BCL11A: variants seen among roughly 807,000 people sequenced by gnomAD.
BCL11A encodes the protein BCL11 transcription factor A, also known as B cell CLL/lymphoma 11A.
A neutral mutation model predicts 55.9 loss-of-function variants in BCL11A; 2 were observed. The observed-to-expected ratio is 0.04, with a 90% CI of 0.01 to 0.11. The LOEUF is 0.11. BCL11A is among the 10% of genes least tolerant of loss of function. The probability of loss-of-function intolerance (pLI) is 1.00; values close to 1 mark genes in which losing one functional copy is unlikely to be tolerated. For synonymous variants in BCL11A, 465 were observed against 473.4 expected, an observed-to-expected ratio of 0.98 and a Z score of 0.23; for missense variants, 817 against 1,137.1, an observed-to-expected ratio of 0.72 and a Z score of 4.05.
intron 2 of BCL11A, among the ~76,000 whole-genome samples, chr2:60,500,700 A>T (rs539592130): frequency 1.5e-3 from 235 of 152,282 alleles, no homozygotes; most frequent in African/African-American, 5.3e-3. Context: ...GTAGGCATCA[A>T]ACCTGGAACT....
intron 2 of BCL11A, among the ~76,000 whole-genome samples, chr2:60,500,294 G>A (rs1017219816): frequency 6.6e-6 from 1 of 152,216 alleles, no homozygotes; most frequent in South Asian, 2.1e-4. Context: ...GAGGGGACAG[G>A]GGGCAGGTAG....
chr2:60,532,850 A>T (rs910427842), intron 2 of BCL11A: 4 of 152,246 alleles, frequency 2.6e-5, no homozygotes, highest in African/African-American at 9.6e-5. Context: ...CAAAAGACTT[A>T]TGCAAAGCCA....
chr2:60,505,411 G>C (rs747203623), intron 2 of BCL11A, among the ~76,000 whole-genome samples: 23 of 152,230 alleles, frequency 1.5e-4, no homozygotes, highest in Non-Finnish European at 2.9e-4. Flanking sequence ...GCAGCTGTCA[G>C]CTTGGGGAAA....
chr2:60,505,249 G>A (rs1055660196), intron 2 of BCL11A, among the ~76,000 whole-genome samples: 7 of 152,204 alleles, frequency 4.6e-5, no homozygotes, highest in East Asian at 1.9e-4. Context: ...CTAGAGGATC[G>A]GAGAGAAAAG....
chr2:60,546,339 C>G lies in BCL11A; in HGVS notation c.56-39G>C. The G allele has an allele frequency of 6.4e-7, 1 of 1,561,104 alleles. No individual in the cohort carries two copies. On this transcript the variant is annotated intron_variant, in intron 1 of 3. Coordinates refer to ENST00000642384, the MANE Select transcript of BCL11A (RefSeq NM_022893.4). This position sits in a 1 kb window ranked among gnomAD's most constrained non-coding sequence, Gnocchi z 4.1. ...AACAAAAGCACAATTATTAGAGTGCCAGAGAGGACAGAAAGGGGAGAAGCA... is the reference window on the plus strand; with the variant it reads ...AACAAAAGCACAATTATTAGAGTGCGAGAGAGGACAGAAAGGGGAGAAGCA...
At chr2:60,511,143 C>T (rs770703178) in intron 2 of BCL11A, among the ~76,000 whole-genome samples, 2 of 152,178 alleles carry the variant, frequency 1.3e-5, no homozygotes, top group Non-Finnish European at 2.9e-5. Flanking sequence ...CCAGCTGCCT[C>T]CACGGCATTA....
intron 2 of BCL11A, among the ~76,000 whole-genome samples, chr2:60,531,164 A>G (rs1022210262): frequency 6.6e-6 from 1 of 151,870 alleles, no homozygotes; most frequent in African/African-American, 2.4e-5. Context: ...AATTAGAGAA[A>G]AAAAAAAAAA....
chr2:60,456,298 T>C (rs1319548834), downstream of BCL11A, among the ~76,000 whole-genome samples: 1 of 152,192 alleles, frequency 6.6e-6, no homozygotes. Context: ...ATCACAGAGG[T>C]ATGTGTTTAG....
chr2:60,453,847 G>A (rs1337797171), downstream of BCL11A, among the ~76,000 whole-genome samples: 2 of 152,112 alleles, frequency 1.3e-5, no homozygotes, highest in Non-Finnish European at 2.9e-5. Context: ...TCTGATACAC[G>A]TGCTCCCTTG....
At position 60,462,380 on chromosome 2, in the gene BCL11A, G is replaced by A. The variant is rs1676368525; in HGVS notation, c.532C>T (p.Pro178Ser). 1.2e-6 allele frequency: 2 copies of A among 1,612,418 alleles called. No homozygotes were observed. Among genetic ancestry groups the A allele is most frequent in the African/African-American group, 1.3e-5 (1 of 74,864 alleles). ...AAGAGAAACCATGCACTGGTGAATG[G>A]CTGTTTGCAAGTTGTACATGTGTAG... ...SSYTCTTCKQPFTSAWFLLQH... is the reference protein window; with the variant it reads ...SSYTCTTCKQSFTSAWFLLQH... The change falls in exon 4 of 4, where the codon CCA (proline) becomes TCA (serine). Residue 178 changes from proline (P) to serine (S), a missense_variant. By Grantham distance (74) the Pro-to-Ser change is moderately conservative. Around this residue, in one of 4 missense-constraint regions of BCL11A, gnomAD observed 363 missense variants for 486.6 expected, o/e 0.75. Coordinates refer to ENST00000642384, the MANE Select transcript of BCL11A (RefSeq NM_022893.4).
Position 60,458,600 on chromosome 2 carries a change from A to G in BCL11A, c.*1804T>C. The G allele has an allele frequency of 4.8e-6, 5 of 1,033,324 alleles. No individual in the cohort carries two copies. The highest frequency in any genetic ancestry group is 4.7e-6 in the Non-Finnish European group (4 of 858,074). The allele number at this position is 1,033,324 out of a possible 1,614,324, so 64.0% of individuals were successfully genotyped here. ...CAATAGTCAAGTAAATGGCTGGCAA[A>G]GTTTTTTTTTTTTTAGTTTTTAAAA... On this transcript the variant is annotated 3_prime_UTR_variant, in exon 4 of 4. Coordinates refer to ENST00000642384, the MANE Select transcript of BCL11A (RefSeq NM_022893.4).
intron 1 of BCL11A, chr2:60,550,919 G>C (rs1284172184): frequency 2.5e-6 from 1 of 398,114 alleles, no homozygotes; most frequent in Non-Finnish European, 4.4e-6. Context: ...ATCCGCATCC[G>C]GCGCGGCCGG....
chr2:60,487,102 G>T (rs1370339175), intron 2 of BCL11A, among the ~76,000 whole-genome samples: 1 of 152,238 alleles, frequency 6.6e-6, no homozygotes, highest in Non-Finnish European at 1.5e-5. Flanking sequence ...TTGCCACAAG[G>T]CAGGAAGGGG....
chr2:60,451,953 T>C (rs969136062), exon 5 of BCL11A: 2 of 228,742 alleles, frequency 8.7e-6, no homozygotes, highest in Non-Finnish European at 1.7e-5. Context: ...TATTCCCAAG[T>C]TTTGCATTTT....
chr2:60,521,652 C>A (rs759453508), intron 2 of BCL11A, among the ~76,000 whole-genome samples: 1 of 152,230 alleles, frequency 6.6e-6, no homozygotes, highest in African/African-American at 2.4e-5. Context: ...TTGACGTGTT[C>A]TTTGTCCCCT....
intron 2 of BCL11A, among the ~76,000 whole-genome samples, chr2:60,513,155 G>A (rs1333108494): frequency 6.6e-6 from 1 of 152,080 alleles, no homozygotes; most frequent in Non-Finnish European, 1.5e-5. Context: ...AGGGGTTGGG[G>A]GTGGCAAATT....
chr2:60,499,647 C>A (rs1456242437), intron 2 of BCL11A: 3 of 152,336 alleles, frequency 2.0e-5, no homozygotes, highest in Admixed American at 6.5e-5. Flanking sequence ...CCCCACCAAC[C>A]CCATGCAGGT....
Position 60,460,349 on chromosome 2 carries a change from G to T in BCL11A, c.*55C>A, listed in dbSNP as rs761630332. ...GGGGCTGGAGGGCGATGGGGAAGGGGAGTGGTGAAAAAGGGGGTGTCAGGT... is the reference window on the plus strand; with the variant it reads ...GGGGCTGGAGGGCGATGGGGAAGGGTAGTGGTGAAAAAGGGGGTGTCAGGT... On this transcript the variant is annotated 3_prime_UTR_variant, in exon 4 of 4. Transcript: ENST00000642384. 24 of 1,544,604 alleles carry T rather than the reference G, an allele frequency of 1.6e-5. No homozygotes were observed. The highest frequency in any genetic ancestry group is 2.0e-5 in the Non-Finnish European group (23 of 1,140,062).
chr2:60,511,578 G>C (rs1443086600), intron 2 of BCL11A, among the ~76,000 whole-genome samples: 1 of 151,782 alleles, frequency 6.6e-6, no homozygotes, highest in African/African-American at 2.4e-5. Context: ...TAAGTTAACA[G>C]AGCGCTAATC....
Sources: gnomAD v4.1 joint callset for allele counts (sites outside exome capture counted in the v4.1 genomes callset) on GRCh38, gnomAD v4.1.1 for gene constraint, gnomAD v4.1.1 regional missense constraint, Gnocchi (gnomAD v3.1) non-coding constraint, MANE v1.5 for transcripts, NCBI Gene and HGNC (gene_info 2026-07-23, HGNC 2026-07-21) for gene names.